The following MAEA variants were observed in gnomAD, a reference collection of about 807,000 sequenced individuals.
The protein encoded by MAEA is E3 ubiquitin-protein transferase MAEA.
A neutral mutation model predicts 46.2 loss-of-function variants in MAEA; 22 were observed. That is an observed-to-expected ratio of 0.48 (90% CI 0.34 to 0.68). The LOEUF (loss-of-function observed/expected upper bound fraction) is 0.68. MAEA is among the 30% of genes least tolerant of loss of function. The pLI is 0.01. For missense variants in MAEA, 393 were observed against 558.1 expected, an observed-to-expected ratio of 0.70 and a Z score of 2.98; for synonymous variants, 246 against 222.6, an observed-to-expected ratio of 1.11 and a Z score of -0.94.
intron 7 of MAEA, chr4:1,337,660 G>T (rs1712962853): frequency 5.9e-6 from 1 of 169,870 alleles, no homozygotes; most frequent in African/African-American, 2.5e-5. Flanking sequence ...GACTGAGTCT[G>T]TCCCTTCCTG....
intron 1 of MAEA, among the ~76,000 whole-genome samples, chr4:1,300,873 C>T (rs768423019): frequency 1.2e-4 from 19 of 152,172 alleles, no homozygotes; most frequent in South Asian, 6.2e-4. Context: ...GGATTCGAAG[C>T]GTTTTTCCTT....
rs1444701929 is a variant in MAEA at position 1,289,930 on chromosome 4, C to G, written c.17C>G (p.Ser6Trp). ...CGCTTCAAGATGGCGGTGCAGGAGTCGGCGGCTCAGTTGTCCATGACCCTG... is the reference window on the plus strand; with the variant it reads ...CGCTTCAAGATGGCGGTGCAGGAGTGGGCGGCTCAGTTGTCCATGACCCTG... MAVQE[S>W]AAQLSMTLKV... The change falls in exon 1 of 9, where the codon TCG becomes TGG. Residue 6 changes from serine to tryptophan, a missense_variant. Physicochemically the swap from Ser to Trp is radical, Grantham distance 177 (BLOSUM62 -3). This residue lies in a region of MAEA where 35 missense variants were observed against 20.1 expected (regional missense o/e 1.74). Coordinates refer to ENST00000303400, the MANE Select transcript of MAEA (RefSeq NM_001017405.3). 1.2e-6 allele frequency: 2 copies of G among 1,600,908 alleles called. No individual in the cohort carries two copies. Among genetic ancestry groups the G allele is most frequent in the Admixed American group, 1.7e-5 (1 of 59,290 alleles).
chr4:1,309,484 CTG>C, intron 1 of MAEA: 2 of 1,322,348 alleles, frequency 1.5e-6, no homozygotes, highest in Non-Finnish European at 1.9e-6. Context: ...GGAGGAGCTG[CTG>C]TCTGGGTCAG....
intron 4 of MAEA, chr4:1,323,443 G>A (rs536047927): frequency 5.7e-6 from 4 of 702,130 alleles, no homozygotes; most frequent in African/African-American, 3.5e-5. Flanking sequence ...CCCTGGCTGA[G>A]TTTGGCAGGG....
At chr4:1,323,209 T>C (rs1018055572) in intron 4 of MAEA, among the ~76,000 whole-genome samples, 4 of 152,060 alleles carry the variant, frequency 2.6e-5, no homozygotes, top group Non-Finnish European at 5.9e-5. Flanking sequence ...CCTCCCAAAG[T>C]GCTGGGATTA....
intron 1 of MAEA, among the ~76,000 whole-genome samples, chr4:1,305,920 G>A (rs1275620506): frequency 1.3e-5 from 2 of 152,196 alleles, no homozygotes; most frequent in Non-Finnish European, 2.9e-5. Flanking sequence ...TTTTAACCCG[G>A]AAGCTGTCGG....
At chr4:1,328,302 G>A (rs1186696887) in intron 5 of MAEA, among the ~76,000 whole-genome samples, 1 of 152,222 alleles carries the variant, frequency 6.6e-6, no homozygotes, top group Non-Finnish European at 1.5e-5. Flanking sequence ...CACGGCGTCT[G>A]CAAAGGAAGA....
At chr4:1,328,189 C>T (rs925020256) in intron 5 of MAEA, among the ~76,000 whole-genome samples, 2 of 152,224 alleles carry the variant, frequency 1.3e-5, no homozygotes, top group Non-Finnish European at 2.9e-5. Context: ...GGCCTGTCTC[C>T]GACCCAAGGG....
intron 1 of MAEA, among the ~76,000 whole-genome samples, chr4:1,290,906 T>G (rs1734043176): frequency 6.6e-6 from 1 of 152,226 alleles, no homozygotes; most frequent in African/African-American, 2.4e-5. Context: ...TGAATCAGGC[T>G]TCTCTGTATT....
chr4:1,303,755 A>G (rs1735560073), intron 1 of MAEA, among the ~76,000 whole-genome samples: 1 of 152,098 alleles, frequency 6.6e-6, no homozygotes, highest in Non-Finnish European at 1.5e-5. Context: ...TACATATTAA[A>G]GGGGTGAATT....
chr4:1,316,520 G>C (rs1419047294), intron 3 of MAEA, among the ~76,000 whole-genome samples: 7 of 152,116 alleles, frequency 4.6e-5, no homozygotes, highest in Admixed American at 3.3e-4. Context: ...TGTGCCCCAT[G>C]GCCCTGTCCC....
At chr4:1,337,067 C>T in intron 7 of MAEA, 73 bp downstream of exon 7, 4 of 1,541,068 alleles carry the variant, frequency 2.6e-6, no homozygotes, top group Non-Finnish European at 3.5e-6. Context: ...ACACGCTGAC[C>T]CTGCACCTTG....
rs370016440 is a variant in MAEA, at chr4:1,315,617, C to T, written c.456+17C>T. On this transcript the variant is annotated intron_variant, in intron 3 of 8. Transcript: ENST00000303400. ...GGCATCGAGGTGGGTGCCCGCCAGA[C>T]GCAGGCACAGCGCCCCAGCTGGCCC... The T allele has an allele frequency of 1.1e-3, 1,798 of 1,611,462 alleles. 1 individual carries two copies. Among genetic ancestry groups the T allele is most frequent in the Non-Finnish European group, 1.3e-3 (1,569 of 1,178,724 alleles).
chr4:1,320,546 A>G (rs1266195728), intron 3 of MAEA, among the ~76,000 whole-genome samples: 1 of 150,586 alleles, frequency 6.6e-6, no homozygotes, highest in Non-Finnish European at 1.5e-5. Context: ...GAAATCATCA[A>G]AGCAAACCTG....
intron 3 of MAEA, among the ~76,000 whole-genome samples, chr4:1,316,306 C>T (rs1434489721): frequency 6.6e-6 from 1 of 150,658 alleles, no homozygotes; most frequent in Non-Finnish European, 1.5e-5. Context: ...GCCTCTCTGC[C>T]ATCGGGCAGT....
chr4:1,300,409 G>C (rs1341536352), intron 1 of MAEA, among the ~76,000 whole-genome samples: 1 of 152,268 alleles, frequency 6.6e-6, no homozygotes, highest in Non-Finnish European at 1.5e-5. Context: ...TTGTGACCTT[G>C]TGGCAGAACA....
At chr4:1,322,114 A>C (rs1287872470) in intron 3 of MAEA, among the ~76,000 whole-genome samples, 1 of 152,014 alleles carries the variant, frequency 6.6e-6, no homozygotes, top group Non-Finnish European at 1.5e-5. Flanking sequence ...CTCTCCATGG[A>C]CAGGTGGGGC....
At chr4:1,312,992 T>A (rs1391189962) in intron 2 of MAEA, among the ~76,000 whole-genome samples, 2 of 152,174 alleles carry the variant, frequency 1.3e-5, no homozygotes, top group Non-Finnish European at 2.9e-5. Flanking sequence ...CCAGGCCAGA[T>A]GGAGGTGAGG....
At chr4:1,309,557 G>T (rs1736207630) in intron 1 of MAEA, 2 of 1,463,340 alleles carry the variant, frequency 1.4e-6, no homozygotes, top group African/African-American at 1.4e-5. Context: ...AGATTGGATA[G>T]CCCCGGGCCA....
Sources: allele counts gnomAD v4.1 joint callset (sites outside exome capture counted in the v4.1 genomes callset), GRCh38; gene constraint gnomAD v4.1.1; regional missense constraint gnomAD v4.1.1; transcripts MANE v1.5; gene names NCBI Gene and HGNC (gene_info 2026-07-23, HGNC 2026-07-21).